Variants in WDR72 observed in about 807,000 individuals in gnomAD.
The protein encoded by WDR72 is WD repeat-containing protein 72.
Under a neutral mutation model 124.2 loss-of-function variants are expected in WDR72, and 120 were observed. That is an observed-to-expected ratio of 0.97 (90% CI 0.83 to 1.12). The LOEUF (loss-of-function observed/expected upper bound fraction) is 1.12. WDR72 is among the 50% of genes most tolerant of loss of function. WDR72 has a pLI of 0.00. For missense variants in WDR72, 1,387 were observed against 1,278.8 expected, an observed-to-expected ratio of 1.08 and a Z score of -1.29; for synonymous variants, 452 against 441.7, an observed-to-expected ratio of 1.02 and a Z score of -0.29.
At chr15:53,525,383 A>G (rs1892056450) in intron 18 of WDR72, among the ~76,000 whole-genome samples, 1 of 152,108 alleles carries the variant, frequency 6.6e-6, no homozygotes, top group Non-Finnish European at 1.5e-5. Flanking sequence ...TGGCACCTCT[A>G]TTGATTTGGG....
chr15:53,671,688 C>G (rs754300383), intron 13 of WDR72, among the ~76,000 whole-genome samples: 12 of 152,148 alleles, frequency 7.9e-5, no homozygotes, highest in Non-Finnish European at 1.6e-4. Flanking sequence ...CGAAAAGTGC[C>G]ATTCACAAGC....
At chr15:53,557,200 AATTACAGTGTC>A (rs556013505) in intron 18 of WDR72, among the ~76,000 whole-genome samples, 1 of 152,092 alleles carries the variant, frequency 6.6e-6, no homozygotes, top group Non-Finnish European at 1.5e-5. Flanking sequence ...CAAAATGAAC[AATTACAGTGTC>A]ATTATACTTA....
rs573838004 is a variant in WDR72 at position 53,750,866 on chromosome 15, C to A, written c.-13+8767G>T. 7.2e-5 allele frequency among the ~76,000 whole-genome samples: 11 copies of A among 152,176 alleles called. No individual in the cohort carries two copies. In the South Asian group the frequency reaches 1.9e-3, roughly 26 times the overall value. ...TGAAGAGGGACTGAATTGCTACAAGCTCTTGATAAAATGTAAATGGATGAG... is the reference window on the plus strand; with the variant it reads ...TGAAGAGGGACTGAATTGCTACAAGATCTTGATAAAATGTAAATGGATGAG... On this transcript the variant is annotated intron_variant, in intron 1 of 19. Transcript: ENST00000360509.
intron 17 of WDR72, among the ~76,000 whole-genome samples, chr15:53,598,364 C>T (rs2012880788): frequency 6.6e-6 from 1 of 152,098 alleles, no homozygotes; most frequent in Admixed American, 6.6e-5. Flanking sequence ...CACTGGACCC[C>T]TCCATTACTC....
intron 12 of WDR72, 84 bp from the exon 13 acceptor site, chr15:53,700,029 TAA>T: frequency 6.5e-7 from 1 of 1,546,174 alleles, no homozygotes; most frequent in South Asian, 1.1e-5. Context: ...CCCAGTAACA[TAA>T]AAAAGTTTTG....
chr15:53,755,337 A>T (rs1055424743), intron 1 of WDR72, among the ~76,000 whole-genome samples: 20 of 152,264 alleles, frequency 1.3e-4, no homozygotes, highest in Non-Finnish European at 2.8e-4. Context: ...ACGGATTATT[A>T]GGCATCACAT....
intron 18 of WDR72, among the ~76,000 whole-genome samples, chr15:53,526,327 C>T (rs1880973727): frequency 6.6e-6 from 1 of 151,958 alleles, no homozygotes; most frequent in Non-Finnish European, 1.5e-5. Flanking sequence ...AATTAGACAT[C>T]CTTGAGTAGG....
At position 53,673,916 on chromosome 15, in the gene WDR72, G is replaced by A. The variant is rs891215818; in HGVS notation, c.1766-8148C>T. 3.3e-5 allele frequency among the ~76,000 whole-genome samples: 5 copies of A among 151,960 alleles called. No homozygotes were observed. The East Asian group carries it at 5.8e-4, about 18-fold the overall frequency. On this transcript the variant is annotated intron_variant, in intron 13 of 19. Transcript: ENST00000360509. ...TGAGGCAGAAGAATCCCTTGAACCC[G>A]GGAGGCGGAGGTTTCAGTGACCTGA...
chr15:53,631,705 G>A (rs1566994078), intron 14 of WDR72, among the ~76,000 whole-genome samples: 1 of 152,182 alleles, frequency 6.6e-6, no homozygotes, highest in Non-Finnish European at 1.5e-5. Flanking sequence ...CTGGAGTAAA[G>A]GTCACTTTGT....
At chr15:53,620,039 AT>A (rs1383016419) in intron 14 of WDR72, among the ~76,000 whole-genome samples, 1 of 152,042 alleles carries the variant, frequency 6.6e-6, no homozygotes, top group Non-Finnish European at 1.5e-5. Context: ...GTTGGCACTT[AT>A]TTTATGGAAG....
intron 18 of WDR72, among the ~76,000 whole-genome samples, chr15:53,580,506 T>C (rs2011859238): frequency 1.3e-5 from 2 of 152,036 alleles, no homozygotes; most frequent in Admixed American, 6.6e-5. Flanking sequence ...GGGAGCATTA[T>C]TGGAAAATGG....
intron 19 of WDR72, among the ~76,000 whole-genome samples, chr15:53,520,618 C>T (rs1033031557): frequency 6.6e-6 from 1 of 152,040 alleles, no homozygotes; most frequent in African/African-American, 2.4e-5. Flanking sequence ...TTTGTTTCTT[C>T]TTCTGACTGA....
intron 1 of WDR72, among the ~76,000 whole-genome samples, chr15:53,752,494 AG>A (rs937840140): frequency 1.1e-4 from 16 of 152,200 alleles, no homozygotes; most frequent in Admixed American, 9.8e-4. Flanking sequence ...CTGCAGGCCA[AG>A]GAACACCAAA....
At chr15:53,673,816 C>A (rs1358785164) in intron 13 of WDR72, among the ~76,000 whole-genome samples, 1 of 151,910 alleles carries the variant, frequency 6.6e-6, no homozygotes, top group African/African-American at 2.4e-5. Context: ...ATGGCGAAAC[C>A]CCGTCTCTAC....
chr15:53,633,250 T>TA (rs1431971663), intron 14 of WDR72, among the ~76,000 whole-genome samples: 1 of 152,168 alleles, frequency 6.6e-6, no homozygotes, highest in East Asian at 1.9e-4. Flanking sequence ...TCTCATGAGA[T>TA]ACGGTTGTTT....
chr15:53,574,850 G>A (rs566586540), intron 18 of WDR72, among the ~76,000 whole-genome samples: 22 of 152,046 alleles, frequency 1.4e-4, no homozygotes, highest in Non-Finnish European at 2.8e-4. Flanking sequence ...ATATATGGGT[G>A]GGGTGAGATA....
At chr15:53,748,036 T>C (rs1012757642) in intron 1 of WDR72, among the ~76,000 whole-genome samples, 2 of 151,990 alleles carry the variant, frequency 1.3e-5, no homozygotes, top group African/African-American at 4.8e-5. Flanking sequence ...ACCATTGTCC[T>C]AGACCATTCT....
rs1318864567 is a variant in WDR72, at chr15:53,545,434, C to T, written c.3149-22112G>A. Among the ~76,000 whole-genome samples, 655 of 148,490 alleles carry T rather than the reference C, an allele frequency of 4.4e-3. 4 individuals are homozygous for T. The highest frequency in any genetic ancestry group is 0.017 in the South Asian group (80 of 4,672). Reference sequence around the variant, plus strand: ...GGGAAAGGATTCCCTATTTAATAAACGGTGCTGGGAAAACTGGCTAGCCAT... The same window carrying T: ...GGGAAAGGATTCCCTATTTAATAAATGGTGCTGGGAAAACTGGCTAGCCAT... On this transcript the variant is annotated intron_variant, in intron 18 of 19. Transcript: ENST00000360509.
At chr15:53,607,210 G>A (rs535135261) in intron 17 of WDR72, among the ~76,000 whole-genome samples, 36 of 151,722 alleles carry the variant, frequency 2.4e-4, no homozygotes, top group African/African-American at 8.5e-4. Flanking sequence ...GGACATTGAA[G>A]AACCAGTCCT....
Sources: gnomAD v4.1 joint callset for allele counts (sites outside exome capture counted in the v4.1 genomes callset) on GRCh38, gnomAD v4.1.1 for gene constraint, MANE v1.5 for transcripts, NCBI Gene and HGNC (gene_info 2026-07-23, HGNC 2026-07-21) for gene names.